The following ELF4 variants were observed in gnomAD, a reference collection of about 807,000 sequenced individuals.
ELF4 encodes ETS-related transcription factor Elf-4.
Under a neutral mutation model 31.7 loss-of-function variants are expected in ELF4, and 10 were observed. The ratio of observed to expected loss-of-function variants is 0.32; its 90% CI spans 0.19 to 0.54. The LOEUF is 0.54. ELF4 is among the 20% of genes least tolerant of loss of function. The pLI, the probability that ELF4 is intolerant of heterozygous loss-of-function variation, is 0.95. For synonymous variants in ELF4, 208 were observed against 226.7 expected (o/e 0.92, Z 0.74); for missense variants, 418 against 522.0 (o/e 0.80, Z 1.94).
intron 1 of ELF4, among the ~76,000 whole-genome samples, chrX:130,093,591 G>C (rs1340865125): frequency 8.9e-6 from 1 of 112,099 alleles, no homozygotes; most frequent in Non-Finnish European, 1.9e-5. Flanking sequence ...ACCCTCCCAA[G>C]GCCATGGGTC....
At chrX:130,085,656 C>CA (rs1932950176) in intron 1 of ELF4, among the ~76,000 whole-genome samples, 1 of 111,990 alleles carries the variant, frequency 8.9e-6, no homozygotes, top group Non-Finnish European at 1.9e-5. Context: ...ACATGGAGGC[C>CA]AGATGGTCAG....
At chrX:130,098,567 G>T (rs1487028429) in intron 1 of ELF4, among the ~76,000 whole-genome samples, 2 of 111,851 alleles carry the variant, frequency 1.8e-5, no homozygotes, top group Admixed American at 1.9e-4. Flanking sequence ...CCAGGCTTCT[G>T]AGCCTCATGG....
At chrX:130,095,035 C>T (rs1021916245) in intron 1 of ELF4, among the ~76,000 whole-genome samples, 1 of 111,338 alleles carries the variant, frequency 9.0e-6, no homozygotes, top group Admixed American at 9.6e-5. Context: ...GGCAGTGGGG[C>T]GTGGGTGCTT....
chrX:130,100,797 C>T (rs1933239818), intron 1 of ELF4, among the ~76,000 whole-genome samples: 1 of 112,117 alleles, frequency 8.9e-6, no homozygotes, highest in Non-Finnish European at 1.9e-5. Context: ...GGGATCAAAG[C>T]CCATTTCATC....
rs1316860743 is a variant in ELF4 at position 130,063,980 on chromosome X, T to C, written c.*2741A>G. On this transcript the variant is annotated 3_prime_UTR_variant, in exon 9 of 9. Transcript: ENST00000308167. ...TTTTTGTTTGCTTGATTTTTATTAT[T>C]ATTATTATTATTATTATTATTATTA... Among the ~76,000 whole-genome samples the C allele has an allele frequency of 4.0e-5, 4 of 99,521 alleles. No individual in the cohort carries two copies. The East Asian group carries it at 1.3e-3, about 32-fold the overall frequency. 86.4% of individuals were successfully genotyped at this position (99,521 alleles called of 115,157 possible). A position where few individuals can be genotyped will look rare whatever the true frequency, so the allele number is the denominator to read the frequency against.
At position 130,072,927 on chromosome X, in the gene ELF4, G is replaced by A. The variant is rs1288181658; in HGVS notation, c.341-510C>T. Reference sequence around the variant, plus strand: ...GAAATCTCTCAGATTTCAGCTTTATGGCTTGCCTTCCCTCACTGTACCACA... The same window carrying A: ...GAAATCTCTCAGATTTCAGCTTTATAGCTTGCCTTCCCTCACTGTACCACA... On this transcript the variant is annotated intron_variant, in intron 4 of 8. Coordinates refer to ENST00000308167, the MANE Select transcript of ELF4 (RefSeq NM_001421.4). Among the ~76,000 whole-genome samples, 3 of 110,963 alleles carry A rather than the reference G, an allele frequency of 2.7e-5. No individual in the cohort carries two copies. The South Asian group carries it at 1.2e-3, about 43-fold the overall frequency.
At chrX:130,073,002 T>G (rs1045325999) in intron 4 of ELF4, among the ~76,000 whole-genome samples, 1 of 112,285 alleles carries the variant, frequency 8.9e-6, no homozygotes, top group African/African-American at 3.2e-5. Flanking sequence ...TGCATCTGCC[T>G]GAGGGGTCAT....
intron 1 of ELF4, among the ~76,000 whole-genome samples, chrX:130,097,159 C>T (rs1274506095): frequency 7.6e-5 from 8 of 105,328 alleles, no homozygotes; most frequent in African/African-American, 1.8e-4. Flanking sequence ...AAAAAGCAGC[C>T]GGGTGCGGCG....
chrX:130,107,231 T>C lies in ELF4; in HGVS notation c.-210+3094A>G, dbSNP rs182365316. Among the ~76,000 whole-genome samples the C allele has an allele frequency of 1.3e-3, 149 of 110,877 alleles. 2 individuals carry two copies. The highest frequency in any genetic ancestry group is 4.8e-3 in the African/African-American group (145 of 30,404). On this transcript the variant is annotated intron_variant, in intron 1 of 8. Transcript: ENST00000308167. ...AGGCAGAGCTTGCAGTGAACCGAGATTGGGCCACTGCACTCCAGCCTGGGC... is the reference window on the plus strand; with the variant it reads ...AGGCAGAGCTTGCAGTGAACCGAGACTGGGCCACTGCACTCCAGCCTGGGC...
chrX:130,091,719 C>T (rs780813544), intron 1 of ELF4, among the ~76,000 whole-genome samples: 7 of 111,668 alleles, frequency 6.3e-5, no homozygotes, highest in African/African-American at 1.3e-4. Flanking sequence ...GGTTAGGAGA[C>T]GTGAGTTCTG....
chrX:130,101,827 A>C (rs1343345443), intron 1 of ELF4, among the ~76,000 whole-genome samples: 1 of 109,049 alleles, frequency 9.2e-6, no homozygotes, highest in African/African-American at 3.4e-5. Flanking sequence ...AAAACAAAAC[A>C]AAACAAAACA....
intron 2 of ELF4, among the ~76,000 whole-genome samples, chrX:130,075,555 C>T (rs1311480938): frequency 8.9e-6 from 1 of 112,211 alleles, no homozygotes; most frequent in Non-Finnish European, 1.9e-5. Context: ...GGATTACAGG[C>T]GTGAGCCACT....
At chrX:130,084,796 T>G (rs1171437611) in intron 1 of ELF4, among the ~76,000 whole-genome samples, 1 of 111,975 alleles carries the variant, frequency 8.9e-6, no homozygotes, top group African/African-American at 3.2e-5. Context: ...CTCATTTGCA[T>G]GTTCACTCAC....
chrX:130,084,355 G>A (rs1224286402), intron 1 of ELF4, among the ~76,000 whole-genome samples: 1 of 112,562 alleles, frequency 8.9e-6, no homozygotes, highest in African/African-American at 3.2e-5. Context: ...TGGGTCCCGG[G>A]GATGAGACCC....
Position 130,074,160 on chromosome X carries a change from TG to T in ELF4, c.248-20del, listed in dbSNP as rs1482419733. The T allele has an allele frequency of 2.5e-6, 3 of 1,208,220 alleles. No individual in the cohort carries two copies. Among genetic ancestry groups the T allele is most frequent in the Non-Finnish European group, 3.4e-6 (3 of 892,802 alleles). On this transcript the variant is annotated intron_variant, in intron 3 of 8. Transcript: ENST00000308167. Reference sequence around the variant, plus strand: ...TTGTCATCTGGTCCGGGTTCCATGGTGGGAGGAGAGAAGAAAAGTTCCCTCA... The same window carrying T: ...TTGTCATCTGGTCCGGGTTCCATGGTGGAGGAGAGAAGAAAAGTTCCCTCA...
chrX:130,104,277 TACACAC>T (rs61193112), intron 1 of ELF4, among the ~76,000 whole-genome samples: 150 of 86,403 alleles, frequency 1.7e-3, no homozygotes, highest in Middle Eastern at 6.3e-3. Flanking sequence ...TTCAGTATAT[TACACAC>T]ACACACACAC....
intron 1 of ELF4, among the ~76,000 whole-genome samples, chrX:130,106,756 T>C (rs759411583): frequency 1.2e-4 from 13 of 111,680 alleles, no homozygotes; most frequent in African/African-American, 3.9e-4. Context: ...CCAGGAGAGA[T>C]GCCAAGCCCG....
intron 1 of ELF4, among the ~76,000 whole-genome samples, chrX:130,105,638 C>T (rs1933364354): frequency 1.8e-5 from 2 of 111,170 alleles, no homozygotes; most frequent in Non-Finnish European, 3.8e-5. Flanking sequence ...ACATGAAACT[C>T]TACATTCTTC....
chrX:130,078,764 CACACACA>C, intron 2 of ELF4, among the ~76,000 whole-genome samples: 1 of 45,196 alleles, frequency 2.2e-5, no homozygotes, highest in East Asian at 7.4e-4. Flanking sequence ...TCTCTCTCTA[CACACACA>C]CACACACACA....
Sources: gnomAD v4.1 joint callset for allele counts (sites outside exome capture counted in the v4.1 genomes callset) on GRCh38, gnomAD v4.1.1 for gene constraint, MANE v1.5 for transcripts, NCBI Gene and HGNC (gene_info 2026-07-23, HGNC 2026-07-21) for gene names.